Variants in FAT3 observed in about 807,000 individuals in gnomAD.
FAT3 encodes the protein protocadherin Fat 3.
Under a neutral mutation model 310.2 loss-of-function variants are expected in FAT3, and 95 were observed. The observed-to-expected ratio is 0.31, with a 90% CI of 0.26 to 0.36. The LOEUF is 0.36. Ranked by LOEUF, FAT3 falls within the 10% of genes least tolerant of loss-of-function variation. The pLI is 1.00. For synonymous variants in FAT3, 2,314 were observed against 2,192.9 expected (o/e 1.06, Z -1.54); for missense variants, 5,408 against 5,715.6 (o/e 0.95, Z 1.74).
At chr11:92,280,867 T>A (rs1198646654) in intron 1 of FAT3, among the ~76,000 whole-genome samples, 1 of 152,186 alleles carries the variant, frequency 6.6e-6, no homozygotes, top group Non-Finnish European at 1.5e-5. Context: ...GTGTCAACCC[T>A]GTTCTTCCAT....
rs1237418082 is a variant in FAT3 at position 92,349,478 on chromosome 11, G to T, written c.-17-2618G>T. 2.6e-5 allele frequency among the ~76,000 whole-genome samples: 4 copies of T among 152,204 alleles called. No individual in the cohort carries two copies. The East Asian group carries it at 7.7e-4, about 29-fold the overall frequency. ...ATTTCAGTTGACTGTGCTCTACAAAGTAGACACCCCAATCACACTGTGGGC... is the reference window on the plus strand; with the variant it reads ...ATTTCAGTTGACTGTGCTCTACAAATTAGACACCCCAATCACACTGTGGGC... On this transcript the variant is annotated intron_variant, in intron 1 of 27. Transcript: ENST00000525166.
At chr11:92,586,955 A>C (rs891038225) in intron 3 of FAT3, among the ~76,000 whole-genome samples, 1 of 151,990 alleles carries the variant, frequency 6.6e-6, no homozygotes, top group African/African-American at 2.4e-5. Context: ...GCCTTGTAGT[A>C]ATTTCAAATG....
chr11:92,290,761 C>T (rs1946668693), intron 1 of FAT3, among the ~76,000 whole-genome samples: 1 of 150,216 alleles, frequency 6.7e-6, no homozygotes, highest in Admixed American at 6.6e-5. Context: ...GAGACTCCAT[C>T]TCAAAAAAAA....
rs755757284 is a variant in FAT3 at position 92,352,655 on chromosome 11, T to G, written c.543T>G (p.Thr181=). 1 of 1,613,864 alleles carries G rather than the reference T, an allele frequency of 6.2e-7. No individual in the cohort carries two copies. Among genetic ancestry groups the G allele is most frequent in the East Asian group, 2.2e-5 (1 of 44,866 alleles). The change falls in exon 2 of 28, where the codon ACT becomes ACG. Residue 181 remains threonine (T), a synonymous_variant. Transcript: ENST00000525166. The part of the protein sequence containing the change: ...TPLRTSVAQV[T]ATDADIGSNG... Reference sequence around the variant, plus strand: ...TAAGGACTAGTGTTGCCCAGGTGACTGCAACAGACGCAGATATTGGTTCCA... The same window carrying G: ...TAAGGACTAGTGTTGCCCAGGTGACGGCAACAGACGCAGATATTGGTTCCA...
chr11:92,340,108 T>C (rs1216974007), intron 1 of FAT3, among the ~76,000 whole-genome samples: 1 of 87,612 alleles, frequency 1.1e-5, no homozygotes, highest in African/African-American at 6.1e-5. Flanking sequence ...CAAGACTCCA[T>C]CTCAAAAAAA....
intron 1 of FAT3, among the ~76,000 whole-genome samples, chr11:92,346,129 T>G (rs75136041): frequency 0.027 from 4,035 of 152,212 alleles, 196 homozygotes; most frequent in African/African-American, 0.092. Context: ...TATTCCCAAG[T>G]ATGTCATACG....
intron 4 of FAT3, among the ~76,000 whole-genome samples, chr11:92,737,445 C>G (rs1945385153): frequency 6.6e-6 from 1 of 151,988 alleles, no homozygotes; most frequent in South Asian, 2.1e-4. Context: ...AATTCAAAGA[C>G]AGATTAAAAA....
rs1949952068 is a variant in FAT3, at chr11:92,893,124, C to A, written c.*2011C>A. On this transcript the variant is annotated 3_prime_UTR_variant, in exon 28 of 28. Transcript: ENST00000525166. Reference sequence around the variant, plus strand: ...TATTTCAATTGCGTTTAATCCACTTCTTTTTTATGAGTCAGTGTTTCTGAA... The same window carrying A: ...TATTTCAATTGCGTTTAATCCACTTATTTTTTATGAGTCAGTGTTTCTGAA... 6.6e-6 allele frequency: 1 copy of A among 151,908 alleles called. No homozygotes were observed. The highest frequency in any genetic ancestry group is 2.4e-5 in the African/African-American group (1 of 41,318). 9.4% of individuals were successfully genotyped at this position (151,908 alleles called of 1,614,324 possible). A position where few individuals can be genotyped will look rare whatever the true frequency, so the allele number is the denominator to read the frequency against.
rs371526683 is a variant in FAT3, at chr11:92,844,519, C to G, written c.11152C>G (p.Leu3718Val). 6.2e-7 allele frequency: 1 copy of G among 1,613,988 alleles called. No homozygotes were observed. Among genetic ancestry groups the G allele is most frequent in the Non-Finnish European group, 8.5e-7 (1 of 1,179,886 alleles). Residue 3718 changes from leucine (L) to valine (V), a missense_variant, in exon 19 of 28, where the codon CTG becomes GTG. Leu to Val is a conservative substitution (Grantham distance 32). Around this residue, in one of 5 missense-constraint regions of FAT3, gnomAD observed 4,588 missense variants for 4,809.8 expected, o/e 0.95. Transcript: ENST00000525166. ...HSSEFYKPAY[L>V]IQKLSNARRH... ...CAGCGAGTTCTACAAGCCAGCCTAC[C>G]TGATCCAGAAGCTGTCCAATGCTAG...
chr11:92,628,267 G>T (rs1794968034), intron 3 of FAT3, among the ~76,000 whole-genome samples: 1 of 152,148 alleles, frequency 6.6e-6, no homozygotes, highest in Non-Finnish European at 1.5e-5. Flanking sequence ...AGGGGAGCTT[G>T]CTATTTCAAA....
At position 92,755,472 on chromosome 11, in the gene FAT3, C is replaced by T. The variant is rs530353399; in HGVS notation, c.3670-6384C>T. 1.8e-4 allele frequency among the ~76,000 whole-genome samples: 27 copies of T among 152,234 alleles called. 1 individual carries two copies. The South Asian group carries it at 5.0e-3, about 28-fold the overall frequency. ...CTCCTGACCTCTGGTGATCCACCTG[C>T]CTTCACCTCCCAAAGTGCTGGGATT... is the stretch of plus-strand genomic sequence containing the variant. On this transcript the variant is annotated intron_variant, in intron 4 of 27. Transcript: ENST00000525166.
intron 2 of FAT3, among the ~76,000 whole-genome samples, chr11:92,445,011 C>T (rs1238617057): frequency 6.6e-6 from 1 of 151,974 alleles, no homozygotes; most frequent in Non-Finnish European, 1.5e-5. Context: ...TAAATGAGGC[C>T]ATTAGGGGAA....
chr11:92,710,993 T>C (rs543721317), intron 4 of FAT3, among the ~76,000 whole-genome samples: 1 of 152,204 alleles, frequency 6.6e-6, no homozygotes, highest in Admixed American at 6.5e-5. Context: ...ATGAGAATCA[T>C]GTAACTATGA....
At chr11:92,507,706 A>G (rs144545658) in intron 2 of FAT3, among the ~76,000 whole-genome samples, 2 of 151,798 alleles carry the variant, frequency 1.3e-5, no homozygotes, top group Non-Finnish European at 2.9e-5. Flanking sequence ...ACATGTATAT[A>G]TACAACATAT....
chr11:92,293,060 G>A (rs11019896), intron 1 of FAT3, among the ~76,000 whole-genome samples: 100 of 104,206 alleles, frequency 9.6e-4, no homozygotes, highest in Middle Eastern at 4.4e-3. Flanking sequence ...AAGGAAGGAA[G>A]GAAGGAAGGA....
In FAT3 at chr11:92,883,085, G is replaced by T. The variant is rs367816972; in HGVS notation, c.12629G>T (p.Arg4210Leu). The T allele has an allele frequency of 2.5e-6, 4 of 1,613,870 alleles. No individual in the cohort carries two copies. The highest frequency in any genetic ancestry group is 2.5e-6 in the Non-Finnish European group (3 of 1,179,902). The part of the protein sequence containing the change: ...LLNKSNGIPF[R>L]NLRGSGDGRN... Reference sequence around the variant, plus strand: ...AACAAGAGCAATGGCATCCCGTTCCGGAACCTGCGCGGCAGTGGGGACGGC... The same window carrying T: ...AACAAGAGCAATGGCATCCCGTTCCTGAACCTGCGCGGCAGTGGGGACGGC... Residue 4210 changes from arginine (R) to leucine (L), a missense_variant, in exon 24 of 28, where the codon CGG becomes CTG. Physicochemically the swap from Arg to Leu is moderately radical, Grantham distance 102. Transcript: ENST00000525166. This position sits in a 1 kb window ranked among gnomAD's most constrained non-coding sequence, Gnocchi z 4.2.
chr11:92,889,927 T>A (rs1300400698), intron 27 of FAT3, 36 bp downstream of exon 27: 2 of 717,744 alleles, frequency 2.8e-6, no homozygotes, highest in Non-Finnish European at 2.6e-6. Flanking sequence ...ACTTTTTGTG[T>A]GTTTGTTTTG....
intron 3 of FAT3, among the ~76,000 whole-genome samples, chr11:92,600,275 A>G (rs1218356681): frequency 6.6e-6 from 1 of 152,204 alleles, no homozygotes; most frequent in Non-Finnish European, 1.5e-5. Flanking sequence ...ACCCCTAGTG[A>G]GGCCCAGTCA....
chr11:92,267,449 G>T (rs1327835547), intron 1 of FAT3, among the ~76,000 whole-genome samples: 1 of 152,074 alleles, frequency 6.6e-6, no homozygotes, highest in Non-Finnish European at 1.5e-5. Flanking sequence ...ACAGAAGCTG[G>T]AGGTCTCCTT....
Sources: allele counts gnomAD v4.1 joint callset (sites outside exome capture counted in the v4.1 genomes callset), GRCh38; gene constraint gnomAD v4.1.1; regional missense constraint gnomAD v4.1.1; non-coding constraint Gnocchi (gnomAD v3.1); transcripts MANE v1.5; gene names NCBI Gene and HGNC (gene_info 2026-07-23, HGNC 2026-07-21).